Variants in BAZ2B observed in about 807,000 individuals in gnomAD.
The protein encoded by BAZ2B is bromodomain adjacent to zinc finger domain 2B.
BAZ2B carries 91 observed loss-of-function variants against 246.0 expected under a neutral mutation model. The observed-to-expected ratio is 0.37, with a 90% CI of 0.31 to 0.44. The LOEUF (loss-of-function observed/expected upper bound fraction) is 0.44, where lower values mean the gene tolerates loss of function less well. Among genes scored for constraint, BAZ2B ranks in the 20% least tolerant of loss-of-function variants. BAZ2B has a pLI of 1.00. For synonymous variants in BAZ2B, 855 were observed against 860.0 expected (o/e 0.99, Z 0.10); for missense variants, 2,332 against 2,533.7 (o/e 0.92, Z 1.71).
intron 2 of BAZ2B, among the ~76,000 whole-genome samples, chr2:159,534,256 G>A (rs768592851): frequency 6.6e-6 from 1 of 152,184 alleles, no homozygotes; most frequent in East Asian, 1.9e-4. Context: ...GAAACGTGTT[G>A]TTAGGTGATT....
At chr2:159,429,160 T>A (rs762350406) in intron 11 of BAZ2B, 40 bp downstream of exon 11, 3 of 1,375,742 alleles carry the variant, frequency 2.2e-6, no homozygotes, top group Non-Finnish European at 3.0e-6. Context: ...TGCATAAATA[T>A]ATGGGGGAAA....
intron 19 of BAZ2B, 159 bp from the exon 20 acceptor site, chr2:159,395,993 C>T: frequency 1.7e-6 from 1 of 571,942 alleles, no homozygotes. Context: ...ACAAGAATGG[C>T]CAGTCTGTGC....
At chr2:159,700,454 T>A in the BAZ2B span, among the ~76,000 whole-genome samples, 1 of 152,154 alleles carries the variant, frequency 6.6e-6, no homozygotes, top group Non-Finnish European at 1.5e-5. Flanking sequence ...TGTTTGTTTG[T>A]TTGTTTTTGA....
At chr2:159,622,358 T>C in the BAZ2B span, among the ~76,000 whole-genome samples, 4 of 143,826 alleles carry the variant, frequency 2.8e-5, no homozygotes, top group South Asian at 2.2e-4. Flanking sequence ...GCTCCAAAAA[T>C]AAAACTGAAA....
At chr2:159,328,641 A>G (rs905412632) in intron 34 of BAZ2B, among the ~76,000 whole-genome samples, 4 of 152,170 alleles carry the variant, frequency 2.6e-5, no homozygotes, top group Non-Finnish European at 5.9e-5. Context: ...CCTGTTTGCC[A>G]CAGTGCCCAT....
chr2:159,390,796 G>A (rs2063239979), intron 20 of BAZ2B, among the ~76,000 whole-genome samples: 1 of 152,122 alleles, frequency 6.6e-6, no homozygotes, highest in Admixed American at 6.6e-5. Flanking sequence ...ACATGCACAA[G>A]TTACTGTTCA....
At chr2:159,427,634 AT>A (rs2070217199) in intron 13 of BAZ2B, among the ~76,000 whole-genome samples, 1 of 152,156 alleles carries the variant, frequency 6.6e-6, no homozygotes, top group Non-Finnish European at 1.5e-5. Context: ...CAGAAAACTA[AT>A]GTTTTCCTAT....
intron 9 of BAZ2B, among the ~76,000 whole-genome samples, chr2:159,432,408 A>G (rs1327122875): frequency 6.6e-6 from 1 of 152,174 alleles, no homozygotes; most frequent in Non-Finnish European, 1.5e-5. Context: ...CTGTGTTCAA[A>G]ACAGCTGGTG....
At chr2:159,688,675 ATTTTT>A in the BAZ2B span, among the ~76,000 whole-genome samples, 1 of 152,176 alleles carries the variant, frequency 6.6e-6, no homozygotes, top group East Asian at 1.9e-4. Flanking sequence ...GTCATACATT[ATTTTT>A]AATTGTCATA....
chr2:159,398,707 C>G (rs1419615164), intron 18 of BAZ2B, 122 bp downstream of exon 18: 1 of 834,230 alleles, frequency 1.2e-6, no homozygotes, highest in Non-Finnish European at 1.8e-6. Context: ...CATGTAGTAT[C>G]TGCTAAACAT....
intron 25 of BAZ2B, among the ~76,000 whole-genome samples, chr2:159,380,472 T>C (rs1425628687): frequency 1.3e-5 from 2 of 152,182 alleles, no homozygotes; most frequent in Admixed American, 6.5e-5. Flanking sequence ...TTTGCAATGT[T>C]TGATTTTCTT....
At chr2:159,349,303 A>C in intron 28 of BAZ2B, 23 bp from the exon 29 acceptor site, 2 of 1,565,620 alleles carry the variant, frequency 1.3e-6, no homozygotes, top group Non-Finnish European at 1.7e-6. Flanking sequence ...AACATTTATT[A>C]ATGAAAAGTA....
intron 3 of BAZ2B, among the ~76,000 whole-genome samples, chr2:159,455,278 A>G (rs2075593465): frequency 6.6e-6 from 1 of 152,116 alleles, no homozygotes; most frequent in South Asian, 2.1e-4. Flanking sequence ...AAACCAAGGG[A>G]AAGTCCTAAA....
the BAZ2B span, among the ~76,000 whole-genome samples, chr2:159,704,473 T>C: frequency 7.9e-6 from 1 of 126,244 alleles, no homozygotes; most frequent in Non-Finnish European, 1.7e-5. Context: ...CCTCTCTATC[T>C]TTCTTTTTCT....
chr2:159,389,106 C>T (rs984426899), intron 21 of BAZ2B, among the ~76,000 whole-genome samples: 1 of 151,388 alleles, frequency 6.6e-6, no homozygotes, highest in Admixed American at 6.6e-5. Flanking sequence ...ACCAACCAAC[C>T]AACCAACCAA....
At chr2:159,654,411 G>T in the BAZ2B span, among the ~76,000 whole-genome samples, 1 of 152,068 alleles carries the variant, frequency 6.6e-6, no homozygotes, top group Non-Finnish European at 1.5e-5. Flanking sequence ...TGTGAACTGA[G>T]ATCTGACTAA....
At chr2:159,518,607 A>C (rs1161328023) in intron 2 of BAZ2B, among the ~76,000 whole-genome samples, 1 of 152,246 alleles carries the variant, frequency 6.6e-6, no homozygotes, top group Admixed American at 6.5e-5. Context: ...TACAATAAAT[A>C]GGTGTTACAT....
chr2:159,699,563 G>T, the BAZ2B span, among the ~76,000 whole-genome samples: 1 of 152,074 alleles, frequency 6.6e-6, no homozygotes, highest in African/African-American at 2.4e-5. Context: ...AAGAGCTGGG[G>T]TTAGAAACAA....
At chr2:159,348,956 C>T in intron 29 of BAZ2B, 51 bp downstream of exon 29, 1 of 1,589,944 alleles carries the variant, frequency 6.3e-7, no homozygotes, top group Non-Finnish European at 8.6e-7. Context: ...ATACAGGAAT[C>T]CATAATATTG....
Sources: allele counts gnomAD v4.1 joint callset (sites outside exome capture counted in the v4.1 genomes callset), GRCh38; gene constraint gnomAD v4.1.1; transcripts MANE v1.5; gene names NCBI Gene and HGNC (gene_info 2026-07-23, HGNC 2026-07-21).